Variants in ZNF385D observed in about 807,000 individuals in gnomAD.
ZNF385D encodes zinc finger protein 385D.
ZNF385D carries 15 observed loss-of-function variants against 35.8 expected under a neutral mutation model. The ratio of observed to expected loss-of-function variants is 0.42; its 90% CI spans 0.28 to 0.64. The LOEUF is 0.64. Ranked by LOEUF, ZNF385D falls within the 30% of genes least tolerant of loss-of-function variation. The pLI, the probability that ZNF385D is intolerant of heterozygous loss-of-function variation, is 0.23. For missense variants in ZNF385D, 474 were observed against 494.6 expected (o/e 0.96, Z 0.39); for synonymous variants, 212 against 186.8 (o/e 1.13, Z -1.10).
intron 3 of ZNF385D, among the ~76,000 whole-genome samples, chr3:21,776,665 G>A (rs1009607684): frequency 6.6e-6 from 1 of 151,826 alleles, no homozygotes; most frequent in Non-Finnish European, 1.5e-5. Flanking sequence ...CTTTATATGA[G>A]ATTCTGGAAA....
chr3:22,281,055 G>A (rs1271250194), intron 2 of ZNF385D, among the ~76,000 whole-genome samples: 1 of 151,928 alleles, frequency 6.6e-6, no homozygotes, highest in Non-Finnish European at 1.5e-5. Flanking sequence ...CGGTTGTATA[G>A]TAGGGCTACT....
rs111885444 is a variant in ZNF385D at position 21,880,606 on chromosome 3, A to G, written c.326-215578T>C. Among the ~76,000 whole-genome samples, 725 of 152,128 alleles carry G rather than the reference A, an allele frequency of 4.8e-3. 9 individuals carry two copies. The highest frequency in any genetic ancestry group is 0.017 in the African/African-American group (695 of 41,538). ...CCTGAGACAAAATAATGTTGAAATT[A>G]ATTTAATTACTAACCCTACAATGGC... On this transcript the variant is annotated intron_variant, in intron 3 of 5. Coordinates refer to the ZNF385D transcript ENST00000494108.
chr3:21,765,722 C>G (rs12633115), intron 3 of ZNF385D, among the ~76,000 whole-genome samples: 1 of 151,378 alleles, frequency 6.6e-6, no homozygotes, highest in African/African-American at 2.4e-5. Flanking sequence ...CATACACACA[C>G]AGAGAGAGAA....
At chr3:22,277,312 G>A (rs574217579) in intron 2 of ZNF385D, among the ~76,000 whole-genome samples, 38 of 152,148 alleles carry the variant, frequency 2.5e-4, no homozygotes, top group African/African-American at 8.9e-4. Context: ...AGCTTTGAGA[G>A]GCTGAACCTA....
At chr3:21,999,201 A>T (rs1456871420) in intron 3 of ZNF385D, among the ~76,000 whole-genome samples, 2 of 152,204 alleles carry the variant, frequency 1.3e-5, no homozygotes, top group African/African-American at 2.4e-5. Context: ...AGGGCATTAC[A>T]CTGCATTAAA....
chr3:22,260,860 TTA>T (rs1356443429), intron 2 of ZNF385D, among the ~76,000 whole-genome samples: 1 of 152,074 alleles, frequency 6.6e-6, no homozygotes, highest in East Asian at 1.9e-4. Flanking sequence ...AAACGTGTTT[TTA>T]TCACTTATTC....
chr3:22,229,494 G>A (rs989600366), intron 2 of ZNF385D, among the ~76,000 whole-genome samples: 3 of 152,178 alleles, frequency 2.0e-5, no homozygotes, highest in Admixed American at 6.5e-5. Flanking sequence ...CAGATGCTTT[G>A]GAGATTTTGG....
At chr3:21,845,394 C>G (rs762457241) in intron 3 of ZNF385D, among the ~76,000 whole-genome samples, 1 of 151,978 alleles carries the variant, frequency 6.6e-6, no homozygotes, top group African/African-American at 2.4e-5. Context: ...CTACGACTAA[C>G]GCTATTATAT....
chr3:22,256,538 C>T (rs1700327135), intron 2 of ZNF385D, among the ~76,000 whole-genome samples: 1 of 151,694 alleles, frequency 6.6e-6, no homozygotes, highest in South Asian at 2.1e-4. Context: ...GATTTGGAAT[C>T]TATGTGGGTA....
intron 3 of ZNF385D, among the ~76,000 whole-genome samples, chr3:21,789,759 T>TA (rs2071849053): frequency 6.6e-6 from 1 of 152,150 alleles, no homozygotes; most frequent in African/African-American, 2.4e-5. Context: ...AACAAAGATG[T>TA]AAAATGCTTA....
chr3:21,647,333 C>CCTTT (rs1240953987), intron 2 of ZNF385D, among the ~76,000 whole-genome samples: 1 of 151,760 alleles, frequency 6.6e-6, no homozygotes, highest in Non-Finnish European at 1.5e-5. Flanking sequence ...TTCCTTCCTT[C>CCTTT]CTTTCTTCAT....
rs1703447870 is a variant in ZNF385D, at chr3:21,465,364, A to G, written c.440-28161T>C. ...ATATTTTGGTCTAACAAAGCCATAT[A>G]TAATCCCAATTAATTTGAAATACTT... On this transcript the variant is annotated intron_variant, in intron 4 of 7. Coordinates refer to ENST00000281523, the MANE Select transcript of ZNF385D (RefSeq NM_024697.3). The surrounding 1 kb of genome is among the most constrained non-coding windows in gnomAD (Gnocchi z 4.2). Among the ~76,000 whole-genome samples, 1 of 152,220 alleles carries G rather than the reference A, an allele frequency of 6.6e-6. No individual in the cohort carries two copies. Among genetic ancestry groups the G allele is most frequent in the Non-Finnish European group, 1.5e-5 (1 of 68,042 alleles).
At chr3:21,778,737 C>T (rs938763128) in intron 3 of ZNF385D, among the ~76,000 whole-genome samples, 11 of 151,750 alleles carry the variant, frequency 7.2e-5, no homozygotes, top group Non-Finnish European at 1.5e-4. Flanking sequence ...AATAGAAATT[C>T]CCCAAATGAT....
chr3:21,692,598 G>A (rs2067318259), intron 1 of ZNF385D, among the ~76,000 whole-genome samples: 2 of 152,174 alleles, frequency 1.3e-5, no homozygotes, highest in South Asian at 4.1e-4. Flanking sequence ...CAGCGCCAGT[G>A]TATTTTTCCA....
intron 3 of ZNF385D, among the ~76,000 whole-genome samples, chr3:21,787,947 A>C (rs1451651264): frequency 1.5e-3 from 14 of 9,170 alleles, no homozygotes; most frequent in East Asian, 3.3e-3. Flanking sequence ...GTCTCAACAA[A>C]AAAAAAAAAA....
At chr3:21,474,822 G>C (rs1481815274) in intron 4 of ZNF385D, among the ~76,000 whole-genome samples, 1 of 152,002 alleles carries the variant, frequency 6.6e-6, no homozygotes, top group Non-Finnish European at 1.5e-5. Flanking sequence ...ATACATAAGT[G>C]ATAAATTCCT....
At chr3:22,097,270 T>G (rs1701683940) in intron 3 of ZNF385D, among the ~76,000 whole-genome samples, 1 of 152,038 alleles carries the variant, frequency 6.6e-6, no homozygotes, top group Admixed American at 6.6e-5. Context: ...ATAACTGAAC[T>G]GGAATTTGAT....
At chr3:21,593,829 AAAG>A in intron 2 of ZNF385D, among the ~76,000 whole-genome samples, 1 of 131,538 alleles carries the variant, frequency 7.6e-6, no homozygotes, top group Non-Finnish European at 1.6e-5. Flanking sequence ...AAATAAGAAA[AAAG>A]AGGTTCTTGG....
At chr3:21,836,832 G>A (rs1575748291) in intron 3 of ZNF385D, among the ~76,000 whole-genome samples, 1 of 152,046 alleles carries the variant, frequency 6.6e-6, no homozygotes. Flanking sequence ...AAGGTAGTTT[G>A]CAGACGCTGC....
Sources: allele counts gnomAD v4.1 joint callset (sites outside exome capture counted in the v4.1 genomes callset), GRCh38; gene constraint gnomAD v4.1.1; non-coding constraint Gnocchi (gnomAD v3.1); transcripts MANE v1.5; gene names NCBI Gene and HGNC (gene_info 2026-07-23, HGNC 2026-07-21).